PPL: variants seen among roughly 807,000 people sequenced by gnomAD.
PPL encodes 190 kDa paraneoplastic pemphigus antigen.
In PPL, 198 loss-of-function variants were observed where a neutral mutation model predicts 194.4. The ratio of observed to expected loss-of-function variants is 1.02; its 90% CI spans 0.91 to 1.15. The LOEUF is 1.15. PPL is among the 50% of genes most tolerant of loss of function. PPL has a pLI of 0.00. For synonymous variants in PPL, 1,220 were observed against 972.4 expected (o/e 1.25, Z -4.74); for missense variants, 2,885 against 2,294.8 (o/e 1.26, Z -5.25).
chr16:4,885,591 G>A lies in PPL; in HGVS notation c.3064C>T (p.Arg1022Trp), dbSNP rs747695962. 17 of 1,612,006 alleles carry A rather than the reference G, an allele frequency of 1.1e-5. No homozygotes were observed. The highest frequency in any genetic ancestry group is 1.1e-5 in the Non-Finnish European group (13 of 1,179,950). ...TCTGCCTCCCGGGCGCCCTTCTGCC[G>A]CCTCAGTGCCTCCAGCTCCTCCCGC... ...QLREELEALRRQKGAREAEVL... is the reference protein window; with the variant it reads ...QLREELEALRWQKGAREAEVL... Residue 1022 changes from arginine (R) to tryptophan (W), a missense_variant, in exon 22 of 22, where the codon CGG becomes TGG. Physicochemically the swap from Arg to Trp is moderately radical, Grantham distance 101. Coordinates refer to ENST00000345988, the MANE Select transcript of PPL (RefSeq NM_002705.5). The surrounding 1 kb of genome is among the most constrained non-coding windows in gnomAD (Gnocchi z 6.3).
Position 4,895,353 on chromosome 16 carries a change from G to A in PPL, c.1150C>T (p.Arg384Ter), listed in dbSNP as rs1045541349. Residue 384 changes from arginine (R) to a stop codon, truncating the protein, a stop_gained, in exon 11 of 22, where the codon CGA becomes TGA. Coordinates refer to ENST00000345988, the MANE Select transcript of PPL (RefSeq NM_002705.5). LOFTEE classifies it high-confidence loss of function. ...YEDVVQGLQK[R>*]GQQVVPLKYR... ...TTGAGGGGCACCACCTGCTGGCCTC[G>A]CTTCTGCAGCCCCTGCACCACGTCC... 3.1e-6 allele frequency: 5 copies of A among 1,613,362 alleles called. No homozygotes were observed. Among genetic ancestry groups the A allele is most frequent in the Non-Finnish European group, 3.4e-6 (4 of 1,179,968 alleles).
At chr16:4,920,409 C>A (rs1162301630) in intron 1 of PPL, among the ~76,000 whole-genome samples, 1 of 145,818 alleles carries the variant, frequency 6.9e-6, no homozygotes, top group African/African-American at 2.5e-5. Context: ...CTTTGTGGTT[C>A]AAGGACTGAA....
intron 1 of PPL, among the ~76,000 whole-genome samples, chr16:4,918,105 C>T (rs1320184861): frequency 6.6e-6 from 1 of 151,898 alleles, no homozygotes; most frequent in Non-Finnish European, 1.5e-5. Flanking sequence ...CCAGCCTGGC[C>T]AACATGGTGA....
chr16:4,888,789 C>T, intron 19 of PPL, 189 bp downstream of exon 19: 1 of 604,810 alleles, frequency 1.7e-6, no homozygotes, highest in African/African-American at 1.8e-5. Flanking sequence ...AACCCTTTTA[C>T]AGCATTCCAT....
At chr16:4,916,195 G>A (rs1448904322) in intron 1 of PPL, among the ~76,000 whole-genome samples, 6 of 152,042 alleles carry the variant, frequency 3.9e-5, no homozygotes, top group South Asian at 2.1e-4. Flanking sequence ...CCACCCCTAC[G>A]TATTTTTTTT....
intron 11 of PPL, among the ~76,000 whole-genome samples, chr16:4,894,881 G>T (rs1309237926): frequency 2.0e-5 from 3 of 152,218 alleles, no homozygotes; most frequent in African/African-American, 7.2e-5. Context: ...CCAAGCTCCA[G>T]ATGGACATGT....
chr16:4,888,950 T>C (rs540769729), intron 19 of PPL, 28 bp downstream of exon 19: 1 of 1,606,820 alleles, frequency 6.2e-7, no homozygotes, highest in South Asian at 1.1e-5. Flanking sequence ...CTGCTGTTTG[T>C]GCTTTGGGCG....
chr16:4,895,492 A>T, intron 10 of PPL, 85 bp from the exon 11 acceptor site: 1 of 1,602,458 alleles, frequency 6.2e-7, no homozygotes, highest in Non-Finnish European at 8.5e-7. Flanking sequence ...TGGATTCAGC[A>T]GGTGGGGTGC....
chr16:4,897,560 C>T, intron 9 of PPL, 115 bp downstream of exon 9: 7 of 749,260 alleles, frequency 9.3e-6, no homozygotes, highest in Non-Finnish European at 1.3e-5. Context: ...GGATGGCTGC[C>T]CCGCAAGGCT....
chr16:4,883,139 G>T lies in PPL; in HGVS notation c.*245C>A, dbSNP rs746784929. Reference sequence around the variant, plus strand: ...ACAGGAAAAGGGAGGAAAAGGCATCGCAGTTGTCCAGTCATTGGAGGATGA... The same window carrying T: ...ACAGGAAAAGGGAGGAAAAGGCATCTCAGTTGTCCAGTCATTGGAGGATGA... On this transcript the variant is annotated 3_prime_UTR_variant, in exon 22 of 22. Coordinates refer to ENST00000345988, the MANE Select transcript of PPL (RefSeq NM_002705.5). This position sits in a 1 kb window ranked among gnomAD's most constrained non-coding sequence, Gnocchi z 4.8. 22 of 519,256 alleles carry T rather than the reference G, an allele frequency of 4.2e-5. No homozygotes were observed. The highest frequency in any genetic ancestry group is 7.2e-5 in the Non-Finnish European group (21 of 290,582). The allele number at this position is 519,256 out of a possible 1,614,324, so 32.2% of individuals were successfully genotyped here.
In PPL at chr16:4,894,467, C is replaced by G. The variant is rs1217116693; in HGVS notation, c.1394G>C (p.Ser465Thr). The stretch of plus-strand genomic sequence containing the variant: ...CAGACTCCCGCCTTTGCCCTTGTAC[C>G]TGTCAGCCAGAGCCAGGGCCTCAGG... The part of the protein sequence containing the change: ...TDPEALALAD[S>T]LGSQYRSVRQ... Residue 465 changes from serine to threonine, a missense_variant and splice_region_variant, in exon 12 of 22, where the codon AGC (serine) becomes ACC (threonine). Physicochemically the swap from Ser to Thr is moderately conservative, Grantham distance 58 (BLOSUM62 1). Coordinates refer to ENST00000345988, the MANE Select transcript of PPL (RefSeq NM_002705.5). The G allele has an allele frequency of 6.2e-7, 1 of 1,613,656 alleles. No individual in the cohort carries two copies. Among genetic ancestry groups the G allele is most frequent in the Non-Finnish European group, 8.5e-7 (1 of 1,179,934 alleles).
chr16:4,910,981 G>A (rs2142386327), intron 1 of PPL, 32 bp from the exon 2 acceptor site: 1 of 1,577,012 alleles, frequency 6.3e-7, no homozygotes, highest in Non-Finnish European at 8.7e-7. Flanking sequence ...AGATGGGCGG[G>A]GTGCCTGGTG....
rs1170444576 is a variant in PPL, at chr16:4,889,002, G to T, written c.2373C>A (p.Ser791=). 1 of 1,613,416 alleles carries T rather than the reference G, an allele frequency of 6.2e-7. No individual in the cohort carries two copies. The highest frequency in any genetic ancestry group is 2.2e-5 in the East Asian group (1 of 44,900). ...CCTTTACAGCTTGCTGGTACTGCTG[G>T]GAATTGGCACAGATCTTCTGTACTT... The part of the protein sequence containing the change: ...EQEVQKICAN[S]QQYQQAVKDY... Residue 791 remains serine (S), a synonymous_variant, in exon 19 of 22, where the codon TCC becomes TCA. Transcript: ENST00000345988.
Position 4,885,557 on chromosome 16 carries a change from AG to A in PPL, c.3097del (p.Leu1033SerfsTer26), listed in dbSNP as rs1263480935. The A allele has an allele frequency of 6.2e-7, 1 of 1,610,516 alleles. No individual in the cohort carries two copies. Among genetic ancestry groups the A allele is most frequent in the Admixed American group, 1.7e-5 (1 of 59,962 alleles). On this transcript the variant is annotated frameshift_variant, in exon 22 of 22. Coordinates refer to ENST00000345988, the MANE Select transcript of PPL (RefSeq NM_002705.5). LOFTEE classifies it high-confidence loss of function. The surrounding 1 kb of genome is among the most constrained non-coding windows in gnomAD (Gnocchi z 6.3). ...QKGAREAEVLLLQQRVAALAE... is the reference protein window; with the variant it reads ...QKGAREAEVLXLQQRVAALAE... ...CAGGGCGGCCACACGCTGCTGCAGG[AG>A]GAGCACCTCTGCCTCCCGGGCGCCC...
chr16:4,895,167 C>A, intron 11 of PPL, 94 bp downstream of exon 11: 1 of 1,422,582 alleles, frequency 7.0e-7, no homozygotes, highest in Non-Finnish European at 9.3e-7. Flanking sequence ...GAGACAGGCA[C>A]AGGCTCCTGA....
At position 4,884,075 on chromosome 16, in the gene PPL, C is replaced by T; in HGVS notation, c.4580G>A (p.Ser1527Asn). 6.2e-7 allele frequency: 1 copy of T among 1,612,904 alleles called. No individual in the cohort carries two copies. Among genetic ancestry groups the T allele is most frequent in the African/African-American group, 1.3e-5 (1 of 74,948 alleles). ...QRLKSSLEEE[S>N]RSKRELDVEV... ...GACGTCCAGCTCGCGCTTGCTGCGGCTCTCCTCCTCCAGGCTGCTCTTGAG... is the reference window on the plus strand; with the variant it reads ...GACGTCCAGCTCGCGCTTGCTGCGGTTCTCCTCCTCCAGGCTGCTCTTGAG... Residue 1527 changes from serine to asparagine, a missense_variant, in exon 22 of 22, where the codon AGC becomes AAC. Physicochemically the swap from Ser to Asn is conservative, Grantham distance 46. Transcript: ENST00000345988. This position sits in a 1 kb window ranked among gnomAD's most constrained non-coding sequence, Gnocchi z 5.7.
intron 2 of PPL, among the ~76,000 whole-genome samples, chr16:4,909,547 C>T (rs541473744): frequency 6.6e-6 from 1 of 151,910 alleles, no homozygotes; most frequent in East Asian, 1.9e-4. Flanking sequence ...CTGCCTCAGC[C>T]TCCTGAGTAG....
At chr16:4,919,916 G>C (rs1231508431) in intron 1 of PPL, among the ~76,000 whole-genome samples, 1 of 152,012 alleles carries the variant, frequency 6.6e-6, no homozygotes, top group Non-Finnish European at 1.5e-5. Context: ...CTGGGAGATG[G>C]AGAAAGACCC....
chr16:4,897,502 T>C (rs1209812952), intron 9 of PPL, among the ~76,000 whole-genome samples, 173 bp downstream of exon 9: 1 of 151,976 alleles, frequency 6.6e-6, no homozygotes. Flanking sequence ...CCGGCAAGCT[T>C]GGGACATGTC....
Sources: gnomAD v4.1 joint callset for allele counts (sites outside exome capture counted in the v4.1 genomes callset) on GRCh38, gnomAD v4.1.1 for gene constraint, Gnocchi (gnomAD v3.1) non-coding constraint, MANE v1.5 for transcripts, NCBI Gene and HGNC (gene_info 2026-07-23, HGNC 2026-07-21) for gene names.